ADRA1D: variants seen among roughly 807,000 people sequenced by gnomAD.
The protein encoded by ADRA1D is alpha-1D adrenergic receptor.
A neutral mutation model predicts 18.6 loss-of-function variants in ADRA1D; 22 were observed. The ratio of observed to expected loss-of-function variants is 1.19; its 90% CI spans 0.85 to 1.69. The LOEUF (loss-of-function observed/expected upper bound fraction) is 1.69. Ranked by LOEUF, ADRA1D falls within the 40% of genes most tolerant of loss-of-function variation. ADRA1D has a pLI of 0.00. For synonymous variants in ADRA1D, 376 were observed against 388.2 expected (o/e 0.97, Z 0.37); for missense variants, 840 against 840.7 (o/e 1.00, Z 0.01).
rs1343066786 is a variant in ADRA1D, at chr20:4,248,292, G to A, written c.666C>T (p.Val222=). 1.9e-6 allele frequency: 3 copies of A among 1,608,310 alleles called. No homozygotes were observed. Among genetic ancestry groups the A allele is most frequent in the South Asian group, 1.1e-5 (1 of 90,026 alleles). ...GCCCTACGGACACCACCAGGGCTAC[G>A]ACCCAGAGCAGGGCCAGGATGGCGG... ...KAAAILALLW[V]VALVVSVGPL... Residue 222 remains valine (V), a synonymous_variant, in exon 1 of 2, where the codon GTC becomes GTT. Coordinates refer to ENST00000379453, the MANE Select transcript of ADRA1D (RefSeq NM_000678.4).
At chr20:4,237,645 A>G (rs1273794777) in intron 1 of ADRA1D, among the ~76,000 whole-genome samples, 1 of 143,296 alleles carries the variant, frequency 7.0e-6, no homozygotes, top group Non-Finnish European at 1.5e-5. Flanking sequence ...CCTAATCAAG[A>G]CTAATGTCAG....
At chr20:4,228,520 C>T (rs997954758) in intron 1 of ADRA1D, among the ~76,000 whole-genome samples, 1 of 152,214 alleles carries the variant, frequency 6.6e-6, no homozygotes, top group Non-Finnish European at 1.5e-5. Flanking sequence ...CTACTACGTG[C>T]CAAGCACGGT....
Position 4,248,116 on chromosome 20 carries a change from G to A in ADRA1D, c.842C>T (p.Ala281Val), listed in dbSNP as rs143621357. The change falls in exon 1 of 2, where the codon GCG becomes GTG. Residue 281 changes from alanine (A) to valine (V), a missense_variant. Physicochemically the swap from Ala to Val is moderately conservative, Grantham distance 64 (BLOSUM62 0). Coordinates refer to ENST00000379453, the MANE Select transcript of ADRA1D (RefSeq NM_000678.4). ...VVMYCRVYVVARSTTRSLEAG... is the reference protein window; with the variant it reads ...VVMYCRVYVVVRSTTRSLEAG... ...CTCGAGGCTGCGCGTGGTGCTGCGCGCGACCACGTACACGCGGCAGTACAT... is the reference window on the plus strand; with the variant it reads ...CTCGAGGCTGCGCGTGGTGCTGCGCACGACCACGTACACGCGGCAGTACAT... 1,377 of 1,562,080 alleles carry A rather than the reference G, an allele frequency of 8.8e-4. No individual in the cohort carries two copies. The highest frequency in any genetic ancestry group is 1.1e-3 in the Non-Finnish European group (1,264 of 1,153,328).
chr20:4,232,032 C>T (rs997082001), intron 1 of ADRA1D, among the ~76,000 whole-genome samples: 1 of 152,236 alleles, frequency 6.6e-6, no homozygotes, highest in Non-Finnish European at 1.5e-5. Context: ...CCTGCCTCAG[C>T]CTCCCAAGTA....
chr20:4,224,720 G>A (rs200484190), intron 1 of ADRA1D, among the ~76,000 whole-genome samples: 4,884 of 113,296 alleles, frequency 0.043, 579 homozygotes, highest in East Asian at 0.16. Flanking sequence ...GGGGTAGGGG[G>A]GGGTCCTTAA....
intron 1 of ADRA1D, among the ~76,000 whole-genome samples, chr20:4,243,330 A>G (rs2122676389): frequency 9.0e-6 from 1 of 110,710 alleles, no homozygotes; most frequent in South Asian, 3.8e-4. Context: ...CACTCACTCT[A>G]CAAGTCTGGG....
At chr20:4,231,060 TTCTTTCTCTC>T (rs1324274939) in intron 1 of ADRA1D, among the ~76,000 whole-genome samples, 1 of 82,414 alleles carries the variant, frequency 1.2e-5, no homozygotes, top group Non-Finnish European at 2.5e-5. Flanking sequence ...CTTTCTTTCT[TTCTTTCTCTC>T]TCTCTCTCTC....
intron 1 of ADRA1D, among the ~76,000 whole-genome samples, chr20:4,225,588 C>T (rs567975097): frequency 6.0e-4 from 91 of 151,664 alleles, no homozygotes; most frequent in African/African-American, 1.8e-3. Context: ...TATTCGGCTA[C>T]TTTTTGTATT....
At chr20:4,225,680 T>A (rs1980780104) in intron 1 of ADRA1D, among the ~76,000 whole-genome samples, 1 of 152,040 alleles carries the variant, frequency 6.6e-6, no homozygotes, top group African/African-American at 2.4e-5. Context: ...CCTCCCAAAG[T>A]GCTGGGATTA....
intron 1 of ADRA1D, among the ~76,000 whole-genome samples, chr20:4,237,255 A>AC (rs1981113209): frequency 6.6e-6 from 1 of 151,678 alleles, no homozygotes; most frequent in Admixed American, 6.6e-5. Context: ...AAATTTTGAG[A>AC]CCCCTAGCTA....
chr20:4,235,062 C>T (rs1268758049), intron 1 of ADRA1D, among the ~76,000 whole-genome samples: 2 of 152,144 alleles, frequency 1.3e-5, no homozygotes, highest in African/African-American at 4.8e-5. Context: ...TCGAGGGCAC[C>T]GTGGGCCTGC....
At position 4,224,713 on chromosome 20, in the gene ADRA1D, G is replaced by GTGTTCCATCCTGGA. The variant is rs1248000410; in HGVS notation, c.1112-2584_1112-2583insTCCAGGATGGAACA. On this transcript the variant is annotated intron_variant, in intron 1 of 1. Coordinates refer to ENST00000379453, the MANE Select transcript of ADRA1D (RefSeq NM_000678.4). ...GCCTGTGAGACCAAGCAGGCCAGGG[G>GTGTTCCATCCTGGA]TAGGGGGGGGTCCTTAACAAATTAT... Among the ~76,000 whole-genome samples the GTGTTCCATCCTGGA allele has an allele frequency of 2.2e-5, 3 of 139,498 alleles. No homozygotes were observed. The Admixed American group carries it at 2.2e-4, about 10-fold the overall frequency. 91.5% of individuals were successfully genotyped at this position (139,498 alleles called of 152,430 possible).
At position 4,222,137 on chromosome 20, in the gene ADRA1D, G is replaced by T; in HGVS notation, c.1112-7C>A. 2 of 1,611,696 alleles carry T rather than the reference G, an allele frequency of 1.2e-6. No individual in the cohort carries two copies. Among genetic ancestry groups the T allele is most frequent in the Non-Finnish European group, 1.7e-6 (2 of 1,179,082 alleles). On this transcript the variant is annotated splice_region_variant and splice_polypyrimidine_tract_variant and intron_variant, in intron 1 of 1. Transcript: ENST00000379453. This position sits in a 1 kb window ranked among gnomAD's most constrained non-coding sequence, Gnocchi z 4.3. ...AGCTGCGGGAACAAGGAGCCTGTAG[G>T]GAGCAGAGACCGATACTATTTAGCT... is the stretch of plus-strand genomic sequence containing the variant.
At chr20:4,233,514 C>T (rs1458961983) in intron 1 of ADRA1D, among the ~76,000 whole-genome samples, 1 of 151,840 alleles carries the variant, frequency 6.6e-6, no homozygotes, top group Non-Finnish European at 1.5e-5. Flanking sequence ...CCTGTCTCAA[C>T]AAGAGAACAG....
At position 4,249,107 on chromosome 20, in the gene ADRA1D, G is replaced by C. The variant is rs1276976696; in HGVS notation, c.-150C>G. The C allele has an allele frequency of 1.5e-5, 9 of 620,686 alleles. No homozygotes were observed. The highest frequency in any genetic ancestry group is 5.5e-5 in the South Asian group (1 of 18,136). 38.4% of individuals were successfully genotyped at this position (620,686 alleles called of 1,614,324 possible). ...CCCAAGTTCCTGTGACGCGGAGCGCGGCTGTCCGAGAGCGGAGCTGCCTGG... is the reference window on the plus strand; with the variant it reads ...CCCAAGTTCCTGTGACGCGGAGCGCCGCTGTCCGAGAGCGGAGCTGCCTGG... On this transcript the variant is annotated 5_prime_UTR_variant, in exon 1 of 2. Coordinates refer to ENST00000379453, the MANE Select transcript of ADRA1D (RefSeq NM_000678.4).
intron 1 of ADRA1D, among the ~76,000 whole-genome samples, chr20:4,228,457 T>C (rs1045410543): frequency 6.6e-6 from 1 of 152,184 alleles, no homozygotes; most frequent in African/African-American, 2.4e-5. Flanking sequence ...AAGGAGTTGG[T>C]AATGGATGAG....
chr20:4,235,613 T>G (rs1473167815), intron 1 of ADRA1D, among the ~76,000 whole-genome samples: 1 of 152,240 alleles, frequency 6.6e-6, no homozygotes, highest in African/African-American at 2.4e-5. Flanking sequence ...GGGGCCACAC[T>G]GACAAATGGC....
chr20:4,242,592 G>C (rs1039018698), intron 1 of ADRA1D, among the ~76,000 whole-genome samples: 2 of 152,236 alleles, frequency 1.3e-5, no homozygotes, highest in African/African-American at 4.8e-5. Flanking sequence ...AGATAGGAGA[G>C]AGGCTCAGGT....
intron 1 of ADRA1D, among the ~76,000 whole-genome samples, chr20:4,226,220 T>C (rs1980796790): frequency 6.6e-6 from 1 of 152,236 alleles, no homozygotes; most frequent in Non-Finnish European, 1.5e-5. Context: ...TCAACCAACC[T>C]GAAGTCTGCT....
Sources: gnomAD v4.1 joint callset for allele counts (sites outside exome capture counted in the v4.1 genomes callset) on GRCh38, gnomAD v4.1.1 for gene constraint, Gnocchi (gnomAD v3.1) non-coding constraint, MANE v1.5 for transcripts, NCBI Gene and HGNC (gene_info 2026-07-23, HGNC 2026-07-21) for gene names.